The following MFHAS1 variants were observed in gnomAD, a reference collection of about 807,000 sequenced individuals.
MFHAS1 encodes the protein malignant fibrous histiocytoma-amplified sequence 1.
MFHAS1 carries 50 observed loss-of-function variants against 70.4 expected under a neutral mutation model. The ratio of observed to expected loss-of-function variants is 0.71; its 90% CI spans 0.57 to 0.90. MFHAS1 has a LOEUF of 0.90. MFHAS1 is among the 40% of genes least tolerant of loss of function. MFHAS1 has a pLI of 0.00. For synonymous variants in MFHAS1, 952 were observed against 620.0 expected (o/e 1.54, Z -7.96); for missense variants, 1,795 against 1,347.6 (o/e 1.33, Z -5.20).
At chr8:8,848,518 C>G (rs1272683457) in intron 1 of MFHAS1, among the ~76,000 whole-genome samples, 1 of 152,124 alleles carries the variant, frequency 6.6e-6, no homozygotes, top group Non-Finnish European at 1.5e-5. Flanking sequence ...ACGGCTCAGG[C>G]AGAACTCAAA....
At chr8:8,852,202 G>A (rs1808271658) in intron 1 of MFHAS1, among the ~76,000 whole-genome samples, 1 of 152,164 alleles carries the variant, frequency 6.6e-6, no homozygotes, top group African/African-American at 2.4e-5. Flanking sequence ...CAATGTCCAG[G>A]TGCGGTGACT....
chr8:8,836,085 CA>C (rs1202365347), intron 1 of MFHAS1, among the ~76,000 whole-genome samples: 1 of 152,222 alleles, frequency 6.6e-6, no homozygotes, highest in Admixed American at 6.5e-5. Context: ...CCTAAAACAA[CA>C]TGCTGAACCA....
Position 8,892,681 on chromosome 8 carries a change from C to G in MFHAS1, c.378G>C (p.Leu126=), listed in dbSNP as rs918407219. The change falls in exon 1 of 3, where the codon CTG becomes CTC. Residue 126 remains leucine, a synonymous_variant. Transcript: ENST00000276282. This position sits in a 1 kb window ranked among gnomAD's most constrained non-coding sequence, Gnocchi z 4.7. The part of the protein sequence containing the change: ...LDVSHNRLTA[L]GAEVVSALRE... ...TCAGAGCACTCACCACCTCCGCGCC[C>G]AGGGCGGTCAGCCGGTTGTGGCTCA... 3.8e-6 allele frequency: 6 copies of G among 1,580,382 alleles called. No individual in the cohort carries two copies. The highest frequency in any genetic ancestry group is 3.6e-5 in the Admixed American group (2 of 55,336).
chr8:8,877,617 A>T (rs1809347209), intron 1 of MFHAS1, among the ~76,000 whole-genome samples: 1 of 152,194 alleles, frequency 6.6e-6, no homozygotes, highest in Admixed American at 6.5e-5. Flanking sequence ...ACATAGTGAA[A>T]GTGACCAGCA....
At chr8:8,807,736 T>G (rs1437855136) in intron 1 of MFHAS1, among the ~76,000 whole-genome samples, 1 of 152,032 alleles carries the variant, frequency 6.6e-6, no homozygotes, top group African/African-American at 2.4e-5. Flanking sequence ...GGAAGTAAAT[T>G]AATAGTGGGA....
In MFHAS1 at chr8:8,890,756, G is replaced by C; in HGVS notation, c.2303C>G (p.Pro768Arg). 1 of 1,613,846 alleles carries C rather than the reference G, an allele frequency of 6.2e-7. No individual in the cohort carries two copies. The highest frequency in any genetic ancestry group is 8.5e-7 in the Non-Finnish European group (1 of 1,179,880). ...GCTGGGGGTGGACCGCGCCATGGGC[G>C]GGGAGCTTTCCCCCTCCGCCTTGCC... ...GEGKAEGESS[P>R]PMARSTPSQE... The change falls in exon 1 of 3, where the codon CCG becomes CGG. Residue 768 changes from proline (P) to arginine (R), a missense_variant. Transcript: ENST00000276282.
chr8:8,852,532 T>C (rs1160989091), intron 1 of MFHAS1, among the ~76,000 whole-genome samples: 2 of 152,032 alleles, frequency 1.3e-5, no homozygotes, highest in Non-Finnish European at 2.9e-5. Flanking sequence ...GGTTTAGACC[T>C]GGTGCCTGCT....
At chr8:8,884,565 G>A (rs1437775922) in intron 1 of MFHAS1, among the ~76,000 whole-genome samples, 1 of 152,174 alleles carries the variant, frequency 6.6e-6, no homozygotes, top group Non-Finnish European at 1.5e-5. Context: ...TGGGAATGCT[G>A]GAGGAACACT....
intron 1 of MFHAS1, among the ~76,000 whole-genome samples, chr8:8,846,843 T>C (rs1808055365): frequency 6.6e-6 from 1 of 152,194 alleles, no homozygotes. Flanking sequence ...CCCATCATTC[T>C]GTCTCTCATC....
intron 1 of MFHAS1, among the ~76,000 whole-genome samples, chr8:8,808,922 G>A (rs1806440704): frequency 6.6e-6 from 1 of 152,130 alleles, no homozygotes; most frequent in Admixed American, 6.5e-5. Context: ...AGCACAGAGG[G>A]AGGTGAGTGG....
In MFHAS1 at chr8:8,884,041, AACACACACACACACAC is replaced by A. The variant is rs10660555; in HGVS notation, c.2998+6004_2998+6019del. On this transcript the variant is annotated intron_variant, in intron 1 of 2. Transcript: ENST00000276282. ...AAAAAGGCCCTATCTCTATTTCACA[AACACACACACACACAC>A]ACACACACACACACACACACACACA... Among the ~76,000 whole-genome samples, 1,034 of 134,168 alleles carry A rather than the reference AACACACACACACACAC, an allele frequency of 7.7e-3. 3 individuals are homozygous for A. The highest frequency in any genetic ancestry group is 0.012 in the Non-Finnish European group (775 of 62,766). The allele number at this position is 134,168 out of a possible 152,430, so 88.0% of individuals were successfully genotyped here.
At chr8:8,884,376 A>T (rs1007204621) in intron 1 of MFHAS1, among the ~76,000 whole-genome samples, 4 of 152,230 alleles carry the variant, frequency 2.6e-5, no homozygotes, top group African/African-American at 9.6e-5. Context: ...GCTTAACCAA[A>T]GAGATATTGA....
intron 2 of MFHAS1, among the ~76,000 whole-genome samples, chr8:8,787,276 T>C (rs1173311984): frequency 1.3e-5 from 2 of 152,104 alleles, no homozygotes; most frequent in African/African-American, 4.8e-5. Flanking sequence ...GAGATGGGGT[T>C]TCACCATGTT....
chr8:8,845,884 C>A (rs545453297), intron 1 of MFHAS1, among the ~76,000 whole-genome samples: 1 of 152,074 alleles, frequency 6.6e-6, no homozygotes, highest in African/African-American at 2.4e-5. Flanking sequence ...GGCCAAAAAC[C>A]TTTGTCTTTA....
chr8:8,859,661 T>G (rs1399606643), intron 1 of MFHAS1, among the ~76,000 whole-genome samples: 2 of 152,210 alleles, frequency 1.3e-5, no homozygotes, highest in East Asian at 3.8e-4. Context: ...TCCTCTTCCT[T>G]ACGGTTTTCT....
At chr8:8,841,368 G>C (rs945290473) in intron 1 of MFHAS1, among the ~76,000 whole-genome samples, 1 of 152,058 alleles carries the variant, frequency 6.6e-6, no homozygotes, top group Non-Finnish European at 1.5e-5. Flanking sequence ...CCAGCTACTC[G>C]GGAGGCTGAG....
intron 1 of MFHAS1, among the ~76,000 whole-genome samples, chr8:8,881,270 A>G (rs1363327747): frequency 1.3e-5 from 2 of 152,184 alleles, no homozygotes; most frequent in Non-Finnish European, 2.9e-5. Context: ...AATAAAAATA[A>G]CTCAGAATGT....
intron 1 of MFHAS1, among the ~76,000 whole-genome samples, chr8:8,874,441 G>C (rs998027780): frequency 2.0e-5 from 3 of 151,974 alleles, no homozygotes; most frequent in African/African-American, 4.8e-5. Context: ...ATTTTGAAGT[G>C]ATCAAATGCG....
intron 1 of MFHAS1, among the ~76,000 whole-genome samples, chr8:8,850,384 G>A (rs1415603128): frequency 9.9e-5 from 15 of 152,262 alleles, no homozygotes; most frequent in Non-Finnish European, 2.2e-4. Context: ...CCATATTAGA[G>A]AGATAGACTG....
Sources: gnomAD v4.1 joint callset for allele counts (sites outside exome capture counted in the v4.1 genomes callset) on GRCh38, gnomAD v4.1.1 for gene constraint, Gnocchi (gnomAD v3.1) non-coding constraint, MANE v1.5 for transcripts, NCBI Gene and HGNC (gene_info 2026-07-23, HGNC 2026-07-21) for gene names.